Variants in CLSTN2 observed in about 807,000 individuals in gnomAD.
CLSTN2 encodes the protein calsyntenin 2.
Under a neutral mutation model 101.2 loss-of-function variants are expected in CLSTN2, and 48 were observed. The observed-to-expected ratio is 0.47, with a 90% CI of 0.38 to 0.60. The LOEUF (loss-of-function observed/expected upper bound fraction) is 0.60. Among genes scored for constraint, CLSTN2 ranks in the 20% least tolerant of loss-of-function variants. The probability of loss-of-function intolerance (pLI) is 0.00; values close to 1 mark genes in which losing one functional copy is unlikely to be tolerated. For synonymous variants in CLSTN2, 481 were observed against 463.6 expected, an observed-to-expected ratio of 1.04 and a Z score of -0.48; for missense variants, 1,160 against 1,238.2, an observed-to-expected ratio of 0.94 and a Z score of 0.95.
Position 140,577,216 on chromosome 3 carries a change from A to T in CLSTN2, c.*10963A>T, listed in dbSNP as rs1181500879. On this transcript the variant is annotated 3_prime_UTR_variant, in exon 17 of 17. Coordinates refer to ENST00000458420, the MANE Select transcript of CLSTN2 (RefSeq NM_022131.3). ...TACCCATGTTTGAATCACAAACTTT[A>T]AATTTATAATAATTATGATTCTTGC... The T allele has an allele frequency of 6.6e-6, 1 of 152,234 alleles. No homozygotes were observed. Among genetic ancestry groups the T allele is most frequent in the Non-Finnish European group, 1.5e-5 (1 of 68,038 alleles). 9.4% of individuals were successfully genotyped at this position (152,234 alleles called of 1,614,324 possible).
intron 1 of CLSTN2, among the ~76,000 whole-genome samples, chr3:139,955,768 T>C (rs1249671573): frequency 6.6e-6 from 1 of 152,176 alleles, no homozygotes; most frequent in Non-Finnish European, 1.5e-5. Flanking sequence ...TTAGCTACAG[T>C]GGTCTCTATG....
chr3:140,086,676 C>G (rs74640085), intron 1 of CLSTN2, among the ~76,000 whole-genome samples: 3 of 152,104 alleles, frequency 2.0e-5, no homozygotes, highest in African/African-American at 7.2e-5. Context: ...GCTCATAAAC[C>G]GTCTCTTTCA....
intron 2 of CLSTN2, among the ~76,000 whole-genome samples, chr3:140,255,899 A>C (rs192553081): frequency 1.1e-3 from 170 of 152,232 alleles, no homozygotes; most frequent in Non-Finnish European, 1.8e-4. Context: ...ACTTTTTTCA[A>C]CTCTAGCACA....
intron 10 of CLSTN2, among the ~76,000 whole-genome samples, chr3:140,551,846 T>C (rs936644243): frequency 3.4e-5 from 5 of 148,774 alleles, no homozygotes; most frequent in Non-Finnish European, 7.4e-5. Context: ...ATATTATATA[T>C]TTTAGTGTAT....
At chr3:140,126,586 A>C (rs72986121) in intron 1 of CLSTN2, among the ~76,000 whole-genome samples, 12 of 152,148 alleles carry the variant, frequency 7.9e-5, no homozygotes, top group African/African-American at 2.9e-4. Context: ...AGGGCCTAGC[A>C]TATGGGTTTG....
intron 5 of CLSTN2, among the ~76,000 whole-genome samples, chr3:140,440,181 C>A (rs1225515017): frequency 6.6e-6 from 1 of 152,120 alleles, no homozygotes; most frequent in Non-Finnish European, 1.5e-5. Flanking sequence ...AGAGAAGGAC[C>A]AGCCCTAGGA....
At chr3:140,019,975 C>T (rs1359763378) in intron 1 of CLSTN2, among the ~76,000 whole-genome samples, 2 of 152,040 alleles carry the variant, frequency 1.3e-5, no homozygotes, top group Admixed American at 1.3e-4. Flanking sequence ...TTGGGTGGAA[C>T]CTCTGGGGCC....
intron 10 of CLSTN2, among the ~76,000 whole-genome samples, chr3:140,552,826 A>G (rs576385878): frequency 6.6e-6 from 1 of 152,290 alleles, no homozygotes; most frequent in East Asian, 1.9e-4. Flanking sequence ...ACGGACAGAT[A>G]GCAACAGCAC....
At chr3:140,301,260 C>T (rs184056746) in intron 2 of CLSTN2, among the ~76,000 whole-genome samples, 4 of 152,222 alleles carry the variant, frequency 2.6e-5, no homozygotes, top group South Asian at 4.2e-4. Context: ...AATACTTAAC[C>T]GTATTAGAAG....
At chr3:140,101,412 G>A (rs2008962839) in intron 1 of CLSTN2, among the ~76,000 whole-genome samples, 2 of 152,196 alleles carry the variant, frequency 1.3e-5, no homozygotes, top group African/African-American at 4.8e-5. Context: ...AGGAAAAGCT[G>A]AACCACCACT....
At chr3:140,462,760 G>A (rs1933593631) in intron 7 of CLSTN2, 1 of 152,060 alleles carries the variant, frequency 6.6e-6, no homozygotes, top group Admixed American at 6.6e-5. Context: ...GGGTCTGGAG[G>A]GTAGGCAAGC....
intron 1 of CLSTN2, among the ~76,000 whole-genome samples, chr3:140,171,738 T>TTAATATATAATATGTATAATATA (rs2010226463): frequency 2.0e-5 from 2 of 98,674 alleles, no homozygotes; most frequent in Admixed American, 2.7e-4. Context: ...ATATAATATA[T>TTAATATATAATATGTATAATATA]TAATATATAA....
Position 140,129,346 on chromosome 3 carries a change from G to A in CLSTN2, c.110-46605G>A, listed in dbSNP as rs368659856. Among the ~76,000 whole-genome samples, 66 of 152,232 alleles carry A rather than the reference G, an allele frequency of 4.3e-4. No individual in the cohort carries two copies. In the East Asian group the frequency reaches 6.0e-3, roughly 14 times the overall value. ...AGTAGCTTCTATTGTCCACATAGCC[G>A]CAGAAAAATTACTAGCAAGGACTCT... is the stretch of plus-strand genomic sequence containing the variant. On this transcript the variant is annotated intron_variant, in intron 1 of 16. Coordinates refer to ENST00000458420, the MANE Select transcript of CLSTN2 (RefSeq NM_022131.3).
chr3:140,530,463 C>T lies in CLSTN2; in HGVS notation c.1345-1861C>T, dbSNP rs140649396. On this transcript the variant is annotated intron_variant, in intron 8 of 16. Transcript: ENST00000458420. ...TTCAATCTAGCATACTTTGGAAGAACTGGAGAAAAAACACCTAGGAAAAAC... is the reference window on the plus strand; with the variant it reads ...TTCAATCTAGCATACTTTGGAAGAATTGGAGAAAAAACACCTAGGAAAAAC... Among the ~76,000 whole-genome samples the T allele has an allele frequency of 3.5e-3, 537 of 152,292 alleles. 10 individuals carry two copies. The highest frequency in any genetic ancestry group is 7.3e-3 in the East Asian group (38 of 5,192).
chr3:140,115,887 A>T (rs1272485703), intron 1 of CLSTN2, among the ~76,000 whole-genome samples: 2 of 152,248 alleles, frequency 1.3e-5, no homozygotes, highest in African/African-American at 4.8e-5. Flanking sequence ...TTCTGAGGTG[A>T]TCCCAGAGTG....
At chr3:140,094,762 C>A (rs2107787343) in intron 1 of CLSTN2, among the ~76,000 whole-genome samples, 1 of 152,298 alleles carries the variant, frequency 6.6e-6, no homozygotes, top group African/African-American at 2.4e-5. Flanking sequence ...AGTGTCTGTG[C>A]CCCCAAGTTA....
chr3:140,092,032 G>T (rs2008787304), intron 1 of CLSTN2, among the ~76,000 whole-genome samples: 1 of 152,148 alleles, frequency 6.6e-6, no homozygotes, highest in Non-Finnish European at 1.5e-5. Flanking sequence ...CAGGTCCTGG[G>T]ATTCCCTACC....
At chr3:140,379,577 T>C (rs2087956684) in intron 2 of CLSTN2, among the ~76,000 whole-genome samples, 1 of 152,200 alleles carries the variant, frequency 6.6e-6, no homozygotes, top group East Asian at 1.9e-4. Flanking sequence ...CCTTTCCTCC[T>C]GGGGAAGGGA....
At chr3:140,072,607 A>G (rs1403416997) in intron 1 of CLSTN2, among the ~76,000 whole-genome samples, 1 of 152,232 alleles carries the variant, frequency 6.6e-6, no homozygotes, top group East Asian at 1.9e-4. Flanking sequence ...AGGCCTGTTT[A>G]CAAAAATAAG....
Sources: gnomAD v4.1 joint callset for allele counts (sites outside exome capture counted in the v4.1 genomes callset) on GRCh38, gnomAD v4.1.1 for gene constraint, MANE v1.5 for transcripts, NCBI Gene and HGNC (gene_info 2026-07-23, HGNC 2026-07-21) for gene names.